The following DKK3 variants were observed in gnomAD, a reference collection of about 807,000 sequenced individuals.
DKK3 encodes dickkopf Wnt signaling pathway inhibitor 3.
Under a neutral mutation model 33.2 loss-of-function variants are expected in DKK3, and 22 were observed. That is an observed-to-expected ratio of 0.66 (90% CI 0.47 to 0.95). The LOEUF is 0.95. Ranked by LOEUF, DKK3 falls within the 40% of genes least tolerant of loss-of-function variation. The probability of loss-of-function intolerance (pLI) is 0.00; values close to 1 mark genes in which losing one functional copy is unlikely to be tolerated. For missense variants in DKK3, 398 were observed against 458.4 expected (o/e 0.87, Z 1.20); for synonymous variants, 194 against 188.8 (o/e 1.03, Z -0.23).
chr11:11,995,398 G>C (rs12421658), intron 3 of DKK3, among the ~76,000 whole-genome samples: 1 of 152,064 alleles, frequency 6.6e-6, no homozygotes, highest in African/African-American at 2.4e-5. Flanking sequence ...CAGAAGTCTT[G>C]GCCAGTATCT....
intron 5 of DKK3, 35 bp downstream of exon 5, chr11:11,966,919 A>G (rs1045973301): frequency 2.7e-5 from 44 of 1,608,504 alleles, no homozygotes; most frequent in Non-Finnish European, 3.7e-5. Flanking sequence ...AGCTTGGGAC[A>G]GGGTTTTTCC....
chr11:11,992,380 C>G (rs574863373), intron 3 of DKK3, among the ~76,000 whole-genome samples: 2 of 152,202 alleles, frequency 1.3e-5, no homozygotes, highest in African/African-American at 4.8e-5. Context: ...TGCCTGTGCC[C>G]GAGCTGTTAA....
At chr11:11,980,339 C>T (rs1338259905) in intron 3 of DKK3, among the ~76,000 whole-genome samples, 3 of 152,198 alleles carry the variant, frequency 2.0e-5, no homozygotes, top group Non-Finnish European at 2.9e-5. Context: ...GCAGGGCTTA[C>T]GGGTTCTGGA....
chr11:11,989,099 T>C lies in DKK3; in HGVS notation c.435+9597A>G, dbSNP rs181554922. On this transcript the variant is annotated intron_variant, in intron 3 of 6. Transcript: ENST00000683431. ...AAACTTCTACCTTGTGCCCTGCTGG[T>C]GGGAATGCAAAATGGCGCAGCCACT... is the stretch of plus-strand genomic sequence containing the variant. Among the ~76,000 whole-genome samples, 671 of 152,334 alleles carry C rather than the reference T, an allele frequency of 4.4e-3. 2 individuals carry two copies. The highest frequency in any genetic ancestry group is 7.3e-3 in the Non-Finnish European group (494 of 68,032).
chr11:11,986,037 T>TG (rs1329954983), intron 3 of DKK3, among the ~76,000 whole-genome samples: 2 of 152,114 alleles, frequency 1.3e-5, no homozygotes, highest in African/African-American at 2.4e-5. Context: ...CTCCTGCTCG[T>TG]GGGGCTGAGC....
In DKK3 at chr11:11,969,143, G is replaced by A. The variant is rs551829885; in HGVS notation, c.436-656C>T. ...GGAGAAACAGGGAGAGAAGGAGTGAGGGGAATCTGTCCACCCCAAGGCCTG... is the reference window on the plus strand; with the variant it reads ...GGAGAAACAGGGAGAGAAGGAGTGAAGGGAATCTGTCCACCCCAAGGCCTG... On this transcript the variant is annotated intron_variant, in intron 3 of 6. Coordinates refer to ENST00000683431, the MANE Select transcript of DKK3 (RefSeq NM_001018057.2). 3.3e-5 allele frequency among the ~76,000 whole-genome samples: 5 copies of A among 152,276 alleles called. No homozygotes were observed. The East Asian group carries it at 9.6e-4, about 29-fold the overall frequency.
intron 3 of DKK3, among the ~76,000 whole-genome samples, chr11:11,970,781 G>A (rs1847708550): frequency 6.6e-6 from 1 of 152,222 alleles, no homozygotes; most frequent in Non-Finnish European, 1.5e-5. Flanking sequence ...GGGGCCAGGG[G>A]CCAAGGAGCA....
intron 1 of DKK3, among the ~76,000 whole-genome samples, chr11:12,007,195 C>T (rs561115656): frequency 6.6e-6 from 1 of 152,100 alleles, no homozygotes; most frequent in South Asian, 2.1e-4. Flanking sequence ...CAAAGGGCTG[C>T]GGGGAGAAAG....
intron 3 of DKK3, among the ~76,000 whole-genome samples, chr11:11,996,548 T>C (rs1026188842): frequency 1.3e-5 from 2 of 152,228 alleles, no homozygotes; most frequent in South Asian, 2.1e-4. Flanking sequence ...GTCTCCAATC[T>C]GTTCTCCAAA....
In DKK3 at chr11:11,965,830, C is replaced by T. The variant is rs924109994; in HGVS notation, c.809G>A (p.Gly270Asp). 5.6e-6 allele frequency: 9 copies of T among 1,613,958 alleles called. No homozygotes were observed. The highest frequency in any genetic ancestry group is 7.6e-6 in the Non-Finnish European group (9 of 1,180,010). The change falls in exon 6 of 7, where the codon GGC (glycine) becomes GAC (aspartate). Residue 270 changes from glycine to aspartate, a missense_variant. Transcript: ENST00000683431. ...GALDRCPCAS[G>D]LLCQPHSHSL... Reference sequence around the variant, plus strand: ...TCACCTGTGGGGCTGGCAGAGGAGGCCACTGGCACAAGGGCATCGGTCCAA... The same window carrying T: ...TCACCTGTGGGGCTGGCAGAGGAGGTCACTGGCACAAGGGCATCGGTCCAA...
chr11:11,964,522 A>G lies in DKK3; in HGVS notation c.995T>C (p.Met332Thr). 2 of 1,613,924 alleles carry G rather than the reference A, an allele frequency of 1.2e-6. No homozygotes were observed. The highest frequency in any genetic ancestry group is 2.2e-5 in the East Asian group (1 of 44,870). ...EDLERSLTEE[M>T]ALREPAAAAA... ...GGCAGCCGCAGGCTCCCTCAGCGCC[A>G]TCTCTTCAGTCAGGCTCCTCTCCAG... is the stretch of plus-strand genomic sequence containing the variant. The change falls in exon 7 of 7, where the codon ATG becomes ACG. Residue 332 changes from methionine (M) to threonine (T), a missense_variant. Transcript: ENST00000683431.
At chr11:11,988,548 T>C (rs1309740435) in intron 3 of DKK3, among the ~76,000 whole-genome samples, 7 of 152,146 alleles carry the variant, frequency 4.6e-5, no homozygotes, top group East Asian at 1.9e-4. Flanking sequence ...CAGGTGGGAA[T>C]TGATAAACAA....
intron 6 of DKK3, among the ~76,000 whole-genome samples, chr11:11,965,366 C>T (rs1847563620): frequency 6.6e-6 from 1 of 152,198 alleles, no homozygotes. Flanking sequence ...AGAAGCTGGC[C>T]AGGCTTGAGC....
chr11:11,987,082 T>A lies in DKK3; in HGVS notation c.435+11614A>T, dbSNP rs147481470. Among the ~76,000 whole-genome samples the A allele has an allele frequency of 4.2e-4, 64 of 152,262 alleles. No individual in the cohort carries two copies. The East Asian group carries it at 0.012, about 28-fold the overall frequency. On this transcript the variant is annotated intron_variant, in intron 3 of 6. Transcript: ENST00000683431. ...TATGTATTCAACTACTCAACCCCTATCCATGTCCAGCACAGACACAGGGAT... is the reference window on the plus strand; with the variant it reads ...TATGTATTCAACTACTCAACCCCTAACCATGTCCAGCACAGACACAGGGAT...
chr11:11,985,710 T>C (rs2135054339), intron 3 of DKK3, among the ~76,000 whole-genome samples: 1 of 152,368 alleles, frequency 6.6e-6, no homozygotes, highest in East Asian at 1.9e-4. Flanking sequence ...TCAGGGCTAG[T>C]ACACTGTGTT....
At chr11:11,991,978 T>C (rs1340636860) in intron 3 of DKK3, among the ~76,000 whole-genome samples, 1 of 152,210 alleles carries the variant, frequency 6.6e-6, no homozygotes, top group African/African-American at 2.4e-5. Context: ...TAATGACTTG[T>C]TTATTTTTTT....
intron 3 of DKK3, among the ~76,000 whole-genome samples, chr11:11,990,763 C>T (rs1848170976): frequency 6.6e-6 from 1 of 152,216 alleles, no homozygotes. Context: ...TTTCCACATG[C>T]CTCCTTGACT....
chr11:11,967,582 C>T (rs574435777), intron 4 of DKK3, among the ~76,000 whole-genome samples: 14 of 152,220 alleles, frequency 9.2e-5, no homozygotes, highest in Non-Finnish European at 1.8e-4. Context: ...TGCCCAGTGA[C>T]GGTACCGAGT....
chr11:12,001,249 T>C (rs1319310106), intron 2 of DKK3, among the ~76,000 whole-genome samples: 1 of 152,266 alleles, frequency 6.6e-6, no homozygotes, highest in Non-Finnish European at 1.5e-5. Context: ...GATTATGTTC[T>C]GCTGGTAAAC....
Sources: gnomAD v4.1 joint callset for allele counts (sites outside exome capture counted in the v4.1 genomes callset) on GRCh38, gnomAD v4.1.1 for gene constraint, MANE v1.5 for transcripts, NCBI Gene and HGNC (gene_info 2026-07-23, HGNC 2026-07-21) for gene names.